The following CHRM2 variants were observed in gnomAD, a reference collection of about 807,000 sequenced individuals.
CHRM2 encodes the protein muscarinic acetylcholine receptor M2.
CHRM2 carries 8 observed loss-of-function variants against 25.0 expected under a neutral mutation model. The observed-to-expected ratio is 0.32, with a 90% CI of 0.19 to 0.58. The LOEUF (loss-of-function observed/expected upper bound fraction) is 0.58. CHRM2 is among the 20% of genes least tolerant of loss of function. The pLI is 0.88. For missense variants in CHRM2, 440 were observed against 567.1 expected (o/e 0.78, Z 2.28); for synonymous variants, 202 against 205.7 (o/e 0.98, Z 0.15).
intron 2 of CHRM2, among the ~76,000 whole-genome samples, chr7:136,940,126 T>C (rs766842334): frequency 1.3e-5 from 2 of 152,178 alleles, no homozygotes; most frequent in Non-Finnish European, 2.9e-5. Flanking sequence ...AACTAAGTGG[T>C]ATTTAAGTTA....
intron 2 of CHRM2, among the ~76,000 whole-genome samples, chr7:136,972,337 T>C (rs1671807266): frequency 6.6e-6 from 1 of 152,220 alleles, no homozygotes; most frequent in Admixed American, 6.5e-5. Flanking sequence ...CATCTGTCCT[T>C]CCTTGAATCT....
At chr7:136,906,248 CATAT>C in intron 2 of CHRM2, among the ~76,000 whole-genome samples, 1 of 149,812 alleles carries the variant, frequency 6.7e-6, no homozygotes, top group East Asian at 2.0e-4. Context: ...ACATATTATA[CATAT>C]ATATGTGTGA....
intron 2 of CHRM2, among the ~76,000 whole-genome samples, chr7:136,949,459 T>TAAAAAAAAAAA (rs386411435): frequency 1.7e-5 from 2 of 120,824 alleles, no homozygotes; most frequent in Non-Finnish European, 1.7e-5. Context: ...TCTGCAAAAC[T>TAAAAAAAAAAA]AAAAAAAAAA....
chr7:136,965,386 T>C (rs1484733479), intron 2 of CHRM2, among the ~76,000 whole-genome samples: 1 of 152,146 alleles, frequency 6.6e-6, no homozygotes, highest in Non-Finnish European at 1.5e-5. Flanking sequence ...GAATTGCTAT[T>C]ATGGATTTAT....
At chr7:136,936,326 T>C (rs1404989371) in intron 2 of CHRM2, among the ~76,000 whole-genome samples, 1 of 152,102 alleles carries the variant, frequency 6.6e-6, no homozygotes, top group African/African-American at 2.4e-5. Context: ...TCAAGACACA[T>C]GGAGCAAAAG....
intron 3 of CHRM2, among the ~76,000 whole-genome samples, chr7:137,013,580 G>A (rs983754445): frequency 3.3e-5 from 5 of 152,038 alleles, no homozygotes; most frequent in Non-Finnish European, 7.4e-5. Flanking sequence ...CCAGAAATGT[G>A]TCATATCTCT....
intron 2 of CHRM2, among the ~76,000 whole-genome samples, chr7:136,892,740 G>A (rs888552390): frequency 6.6e-6 from 1 of 150,378 alleles, no homozygotes; most frequent in African/African-American, 2.5e-5. Context: ...CACAATCACA[G>A]CTCACTGCAA....
Position 137,016,424 on chromosome 7 carries a change from A to G in CHRM2, c.*158A>G. On this transcript the variant is annotated 3_prime_UTR_variant, in exon 4 of 4. Transcript: ENST00000680005. ...CAGCAGTGACACACTTATCACGCCT[A>G]GGCTCCAGTTTGCAAAAATTGCACC... The G allele has an allele frequency of 1.3e-6, 1 of 783,708 alleles. No homozygotes were observed. Among genetic ancestry groups the G allele is most frequent in the South Asian group, 1.8e-5 (1 of 56,124 alleles). The allele number at this position is 783,708 out of a possible 1,614,324, so 48.5% of individuals were successfully genotyped here.
intron 2 of CHRM2, among the ~76,000 whole-genome samples, chr7:136,984,490 A>G (rs1300169683): frequency 2.6e-5 from 4 of 151,492 alleles, no homozygotes; most frequent in African/African-American, 4.9e-5. Context: ...CGGGGTAAGA[A>G]AAAAAAAAAC....
At chr7:136,908,566 T>C (rs1212162906) in intron 2 of CHRM2, among the ~76,000 whole-genome samples, 1 of 151,944 alleles carries the variant, frequency 6.6e-6, no homozygotes, top group African/African-American at 2.4e-5. Context: ...CTTTTCTTTA[T>C]ACATTAGGTA....
At chr7:136,875,175 T>C (rs1238757655) in intron 2 of CHRM2, among the ~76,000 whole-genome samples, 2 of 150,380 alleles carry the variant, frequency 1.3e-5, no homozygotes, top group Non-Finnish European at 3.0e-5. Flanking sequence ...TATATATATA[T>C]ATCTCCAGCA....
chr7:136,896,920 A>T (rs898335386), intron 2 of CHRM2, among the ~76,000 whole-genome samples: 4 of 152,086 alleles, frequency 2.6e-5, no homozygotes, highest in African/African-American at 4.8e-5. Flanking sequence ...TTTCTCTAAA[A>T]TGACACTGCT....
intron 2 of CHRM2, among the ~76,000 whole-genome samples, chr7:136,880,289 G>A (rs569643702): frequency 2.6e-5 from 4 of 151,792 alleles, no homozygotes; most frequent in Non-Finnish European, 5.9e-5. Context: ...GAAATAATTG[G>A]TGGTGACTCT....
intron 3 of CHRM2, among the ~76,000 whole-genome samples, chr7:137,002,662 G>A (rs1804128640): frequency 6.6e-6 from 1 of 152,250 alleles, no homozygotes; most frequent in South Asian, 2.1e-4. Context: ...ACCACAGAAT[G>A]ACAGTGAGAT....
chr7:136,967,726 C>T (rs534895820), intron 2 of CHRM2, among the ~76,000 whole-genome samples: 1 of 151,908 alleles, frequency 6.6e-6, no homozygotes, highest in South Asian at 2.1e-4. Flanking sequence ...AGACTTTTTG[C>T]TCTAGCCCTC....
At chr7:136,965,020 AT>A (rs1326907421) in intron 2 of CHRM2, among the ~76,000 whole-genome samples, 1 of 152,170 alleles carries the variant, frequency 6.6e-6, no homozygotes, top group African/African-American at 2.4e-5. Flanking sequence ...ATTATACTTC[AT>A]TTAAATAAAA....
chr7:136,921,443 C>T (rs920974813), intron 2 of CHRM2, among the ~76,000 whole-genome samples: 3 of 152,142 alleles, frequency 2.0e-5, no homozygotes, highest in African/African-American at 7.2e-5. Flanking sequence ...ATTCCATTCT[C>T]TGAAGTTCAA....
intron 2 of CHRM2, among the ~76,000 whole-genome samples, chr7:136,898,265 A>G (rs970033063): frequency 6.6e-6 from 1 of 152,116 alleles, no homozygotes. Context: ...AAAAACAAAA[A>G]CTTATCAGTT....
At chr7:136,957,048 G>T (rs370686878) in intron 2 of CHRM2, among the ~76,000 whole-genome samples, 2 of 152,128 alleles carry the variant, frequency 1.3e-5, no homozygotes, top group East Asian at 3.9e-4. Flanking sequence ...GTGTGTTTTG[G>T]CCTGGATTGA....
Sources: gnomAD v4.1 joint callset for allele counts (sites outside exome capture counted in the v4.1 genomes callset) on GRCh38, gnomAD v4.1.1 for gene constraint, MANE v1.5 for transcripts, NCBI Gene and HGNC (gene_info 2026-07-23, HGNC 2026-07-21) for gene names.